The following KALRN variants were observed in gnomAD, a reference collection of about 807,000 sequenced individuals.
KALRN encodes kalirin RhoGEF kinase.
KALRN carries 70 observed loss-of-function variants against 353.7 expected under a neutral mutation model. The observed-to-expected ratio is 0.20, with a 90% CI of 0.16 to 0.24. The LOEUF is 0.24. KALRN is among the 10% of genes least tolerant of loss of function. The probability of loss-of-function intolerance (pLI) is 1.00; values close to 1 mark genes in which losing one functional copy is unlikely to be tolerated. For missense variants in KALRN, 2,791 were observed against 3,756.7 expected, an observed-to-expected ratio of 0.74 and a Z score of 6.72; for synonymous variants, 1,391 against 1,434.8, an observed-to-expected ratio of 0.97 and a Z score of 0.69.
At chr3:124,489,334 A>G (rs2108392832) in intron 29 of KALRN, among the ~76,000 whole-genome samples, 2 of 152,188 alleles carry the variant, frequency 1.3e-5, no homozygotes, top group East Asian at 1.9e-4. Flanking sequence ...AAACAAAAAG[A>G]CTTAACATTT....
chr3:124,605,519 G>A (rs1472770845), intron 34 of KALRN, among the ~76,000 whole-genome samples: 1 of 151,352 alleles, frequency 6.6e-6, no homozygotes, highest in East Asian at 2.0e-4. Flanking sequence ...GTTGCAGTGA[G>A]CTGAGATCAC....
chr3:124,680,587 C>A (rs1444882492), intron 51 of KALRN, among the ~76,000 whole-genome samples: 1 of 152,186 alleles, frequency 6.6e-6, no homozygotes. Flanking sequence ...GACTTTTATT[C>A]TTATTCTAAT....
chr3:124,290,070 A>G (rs2076293355), intron 5 of KALRN, among the ~76,000 whole-genome samples: 2 of 152,228 alleles, frequency 1.3e-5, no homozygotes, highest in Non-Finnish European at 2.9e-5. Flanking sequence ...AGGATTGGTA[A>G]GCTTTCAAAA....
chr3:124,140,796 G>C (rs930411839), intron 1 of KALRN, among the ~76,000 whole-genome samples: 2 of 151,742 alleles, frequency 1.3e-5, no homozygotes, highest in Admixed American at 1.3e-4. Context: ...TGCCCTCCCG[G>C]GGGGGGCACA....
At chr3:124,072,596 G>A (rs1450180713) in intron 1 of KALRN, among the ~76,000 whole-genome samples, 3 of 151,630 alleles carry the variant, frequency 2.0e-5, no homozygotes, top group Non-Finnish European at 2.9e-5. Context: ...TAGAAATGAA[G>A]CTGCCTCTGA....
intron 34 of KALRN, among the ~76,000 whole-genome samples, chr3:124,566,022 A>G (rs528396783): frequency 3.9e-5 from 6 of 152,324 alleles, no homozygotes; most frequent in South Asian, 2.1e-4. Context: ...GCCAACCAGC[A>G]TAGCTTCTTA....
intron 33 of KALRN, among the ~76,000 whole-genome samples, chr3:124,499,274 C>T (rs550961621): frequency 1.3e-5 from 2 of 152,240 alleles, no homozygotes; most frequent in East Asian, 1.9e-4. Flanking sequence ...GGAAGGAGTT[C>T]GATACACCTA....
chr3:124,242,681 G>A (rs1560335700), intron 3 of KALRN, among the ~76,000 whole-genome samples: 1 of 152,214 alleles, frequency 6.6e-6, no homozygotes, highest in Non-Finnish European at 1.5e-5. Flanking sequence ...GAACCTAAGT[G>A]TGAAGGTTGC....
chr3:124,651,033 C>A, intron 38 of KALRN, 95 bp downstream of exon 38: 2 of 1,406,406 alleles, frequency 1.4e-6, no homozygotes, highest in Non-Finnish European at 2.0e-6. Flanking sequence ...GTTCCCCACG[C>A]TGTTTCCACT....
At chr3:124,288,221 AG>A (rs1357511769) in intron 5 of KALRN, among the ~76,000 whole-genome samples, 1 of 152,206 alleles carries the variant, frequency 6.6e-6, no homozygotes, top group Non-Finnish European at 1.5e-5. Context: ...TTCTAAATTA[AG>A]GCTATGTTTG....
intron 1 of KALRN, among the ~76,000 whole-genome samples, chr3:124,039,707 A>T (rs551942794): frequency 6.6e-6 from 1 of 152,208 alleles, no homozygotes; most frequent in African/African-American, 2.4e-5. Flanking sequence ...CAGTCTGTAC[A>T]TTGCCAGGTA....
intron 53 of KALRN, 137 bp from the exon 54 acceptor site, chr3:124,695,997 T>A: frequency 1.3e-6 from 1 of 769,170 alleles, no homozygotes; most frequent in Non-Finnish European, 2.1e-6. Context: ...GGGTGGTAGG[T>A]AGCTCACAGA....
intron 33 of KALRN, among the ~76,000 whole-genome samples, chr3:124,558,032 G>T (rs982038571): frequency 1.3e-5 from 2 of 152,124 alleles, no homozygotes; most frequent in African/African-American, 2.4e-5. Flanking sequence ...AACAGGAAAA[G>T]TATGTGCTGA....
chr3:124,642,953 A>G (rs933019276), intron 37 of KALRN, among the ~76,000 whole-genome samples: 1 of 151,620 alleles, frequency 6.6e-6, no homozygotes, highest in African/African-American at 2.4e-5. Flanking sequence ...AGTAGCTGGG[A>G]TTAACAGGCA....
chr3:124,657,309 A>C lies in KALRN; in HGVS notation c.5863-139A>C, dbSNP rs2084184356. On this transcript the variant is annotated intron_variant, in intron 39 of 59. Coordinates refer to ENST00000682506, the MANE Select transcript of KALRN (RefSeq NM_001388419.1). ...GCACCAGGGGTTAAAGACCTGGTTG[A>C]ATAGTGAGAAACCACAGAAGCATTT... is the stretch of plus-strand genomic sequence containing the variant. The C allele has an allele frequency of 4.7e-6, 3 of 635,202 alleles. No homozygotes were observed. The Admixed American group carries it at 8.0e-5, about 17-fold the overall frequency. The allele number at this position is 635,202 out of a possible 1,614,324, so 39.3% of individuals were successfully genotyped here.
At chr3:124,486,105 A>C (rs1577338007) in intron 28 of KALRN, among the ~76,000 whole-genome samples, 2 of 152,284 alleles carry the variant, frequency 1.3e-5, no homozygotes, top group Admixed American at 1.3e-4. Context: ...AGAGTGCTCA[A>C]TATTCTTCAT....
intron 37 of KALRN, among the ~76,000 whole-genome samples, chr3:124,646,023 G>A (rs1309913371): frequency 5.9e-5 from 9 of 151,686 alleles, no homozygotes; most frequent in South Asian, 2.1e-4. Flanking sequence ...TCTGGGAATC[G>A]GACCCTGATC....
At chr3:124,376,844 A>G (rs2086658384) in intron 10 of KALRN, among the ~76,000 whole-genome samples, 1 of 152,164 alleles carries the variant, frequency 6.6e-6, no homozygotes, top group Admixed American at 6.5e-5. Flanking sequence ...AGAAAAGATG[A>G]GTAAGATGGA....
chr3:124,368,189 G>C (rs1296060931), intron 10 of KALRN, among the ~76,000 whole-genome samples: 1 of 80,596 alleles, frequency 1.2e-5, no homozygotes, highest in East Asian at 1.3e-3. Context: ...CGGGCGGGGG[G>C]CTGACCCCCC....
Sources: gnomAD v4.1 joint callset for allele counts (sites outside exome capture counted in the v4.1 genomes callset) on GRCh38, gnomAD v4.1.1 for gene constraint, MANE v1.5 for transcripts, NCBI Gene and HGNC (gene_info 2026-07-23, HGNC 2026-07-21) for gene names.